PHF8: variants seen among roughly 807,000 people sequenced by gnomAD.
The protein encoded by PHF8 is PHD finger protein 8.
In PHF8, 9 loss-of-function variants were observed where a neutral mutation model predicts 74.4. The observed-to-expected ratio is 0.12, with a 90% CI of 0.07 to 0.21. The LOEUF (loss-of-function observed/expected upper bound fraction) is 0.21. PHF8 is among the 10% of genes least tolerant of loss of function. The pLI is 1.00. For missense variants in PHF8, 478 were observed against 816.6 expected (o/e 0.59, Z 5.05); for synonymous variants, 311 against 316.6 (o/e 0.98, Z 0.19).
chrX:53,987,847 C>T lies in PHF8; in HGVS notation c.1828G>A (p.Glu610Lys), dbSNP rs782656960. ...TCATCATCTGAATCCAAGTCAAATTCGTCTTCCATCACCTGTTCTGCCATC... is the reference window on the plus strand; with the variant it reads ...TCATCATCTGAATCCAAGTCAAATTTGTCTTCCATCACCTGTTCTGCCATC... The part of the protein sequence containing the change: ...RLMAEQVMED[E>K]FDLDSDDELQ... The change falls in exon 15 of 22, where the codon GAA (glutamate) becomes AAA (lysine). Residue 610 changes from glutamate (E) to lysine (K), a missense_variant. Glu to Lys is a moderately conservative substitution (Grantham distance 56). Coordinates refer to ENST00000338154, the MANE Select transcript of PHF8 (RefSeq NM_015107.3). The T allele has an allele frequency of 1.2e-5, 15 of 1,205,841 alleles. No individual in the cohort carries two copies. The highest frequency in any genetic ancestry group is 1.7e-5 in the Non-Finnish European group (15 of 891,551).
chrX:53,985,937 T>C lies in PHF8; in HGVS notation c.2008A>G (p.Thr670Ala). The C allele has an allele frequency of 8.3e-7, 1 of 1,209,881 alleles. No homozygotes were observed. The highest frequency in any genetic ancestry group is 1.1e-6 in the Non-Finnish European group (1 of 893,999). ...VEFDIEEDYTTDEDMVEGVEG... is the reference protein window; with the variant it reads ...VEFDIEEDYTADEDMVEGVEG... ...ACCCCTTCCACCATGTCCTCATCTG[T>C]TGTATAGTCCTCCTGTTGGAGAGAG... Residue 670 changes from threonine (T) to alanine (A), a missense_variant, in exon 17 of 22, where the codon ACA becomes GCA. By Grantham distance (58) the Thr-to-Ala change is moderately conservative. Coordinates refer to ENST00000338154, the MANE Select transcript of PHF8 (RefSeq NM_015107.3).
chrX:53,939,890 G>C (rs2064723264), intron 21 of PHF8, among the ~76,000 whole-genome samples: 1 of 110,626 alleles, frequency 9.0e-6, no homozygotes, highest in African/African-American at 3.3e-5. Context: ...AGAGCCCCAG[G>C]TACTCTTCCT....
At chrX:53,993,078 A>G in intron 13 of PHF8, 1 of 397,248 alleles carries the variant, frequency 2.5e-6, no homozygotes, top group South Asian at 3.4e-5. Flanking sequence ...AAGAGGGGGC[A>G]CATCTTCAGA....
At chrX:54,006,825 C>T (rs2065904091) in intron 8 of PHF8, among the ~76,000 whole-genome samples, 1 of 108,677 alleles carries the variant, frequency 9.2e-6, no homozygotes, top group Non-Finnish European at 1.9e-5. Flanking sequence ...GTAATCCCAG[C>T]TACTCGGGAG....
At chrX:53,960,091 T>A (rs971090479) in intron 19 of PHF8, among the ~76,000 whole-genome samples, 42 of 108,855 alleles carry the variant, frequency 3.9e-4, no homozygotes, top group Non-Finnish European at 7.3e-4. Context: ...TGTGTGTGTG[T>A]GAGAGACAGA....
chrX:54,011,009 T>C (rs1181053738), intron 8 of PHF8, 113 bp downstream of exon 8: 1 of 688,227 alleles, frequency 1.5e-6, no homozygotes, highest in Non-Finnish European at 2.3e-6. Context: ...TCTGCGCCTT[T>C]CGCTGATATG....
At chrX:54,021,966 T>C (rs2066185238) in intron 4 of PHF8, among the ~76,000 whole-genome samples, 1 of 112,003 alleles carries the variant, frequency 8.9e-6, no homozygotes, top group Admixed American at 9.5e-5. Context: ...AATTTTTTTA[T>C]ATTAAAAGAG....
At chrX:53,998,450 T>C (rs2065781285) in intron 11 of PHF8, among the ~76,000 whole-genome samples, 1 of 109,785 alleles carries the variant, frequency 9.1e-6, no homozygotes, top group African/African-American at 3.3e-5. Context: ...TGAGGTTCTG[T>C]CTCATAAATA....
At chrX:53,995,216 G>A (rs1557102459) in intron 12 of PHF8, 1 of 341,957 alleles carries the variant, frequency 2.9e-6, no homozygotes, top group East Asian at 9.7e-5. Flanking sequence ...CTGTCATTTT[G>A]CAGAATGCAG....
chrX:54,018,453 CTTTTTTT>C (rs781948184), intron 4 of PHF8, among the ~76,000 whole-genome samples: 1 of 76,699 alleles, frequency 1.3e-5, no homozygotes, highest in Non-Finnish European at 2.6e-5. Flanking sequence ...GAGTCCCTGT[CTTTTTTT>C]TTTTTTTTTT....
intron 2 of PHF8, among the ~76,000 whole-genome samples, chrX:54,036,725 G>A (rs1222888687): frequency 9.2e-6 from 1 of 109,174 alleles, no homozygotes; most frequent in African/African-American, 3.3e-5. Flanking sequence ...AAGGCCGGGT[G>A]CTGTGGGTCA....
chrX:53,993,490 G>C (rs1435003003), intron 13 of PHF8, 111 bp downstream of exon 13: 3 of 604,029 alleles, frequency 5.0e-6, no homozygotes, highest in Non-Finnish European at 8.2e-6. Flanking sequence ...TAGCCAAACA[G>C]CAGGGGGTCT....
At chrX:53,972,341 A>G (rs1192749752) in intron 18 of PHF8, among the ~76,000 whole-genome samples, 3 of 107,273 alleles carry the variant, frequency 2.8e-5, no homozygotes, top group Non-Finnish European at 5.8e-5. Flanking sequence ...AAAAAAAAAA[A>G]AAAGAAAAAG....
intron 18 of PHF8, among the ~76,000 whole-genome samples, chrX:53,983,254 A>T (rs1411205801): frequency 8.9e-6 from 1 of 111,845 alleles, no homozygotes; most frequent in African/African-American, 3.2e-5. Flanking sequence ...TAATAAAATT[A>T]AACACAAACC....
chrX:54,006,248 G>A (rs1313530206), intron 8 of PHF8, among the ~76,000 whole-genome samples: 4 of 111,480 alleles, frequency 3.6e-5, no homozygotes, highest in Non-Finnish European at 5.7e-5. Flanking sequence ...TTAGGAAGCC[G>A]AGGTGGGTGG....
intron 2 of PHF8, among the ~76,000 whole-genome samples, chrX:54,035,858 T>G (rs1258392954): frequency 9.0e-6 from 1 of 110,783 alleles, no homozygotes; most frequent in Admixed American, 9.6e-5. Context: ...ACACCTGTAA[T>G]CCCAGCACTT....
chrX:53,958,547 C>T (rs1310161356), intron 19 of PHF8, among the ~76,000 whole-genome samples: 4 of 103,239 alleles, frequency 3.9e-5, no homozygotes, highest in Non-Finnish European at 5.9e-5. Flanking sequence ...TTTGGGAGGC[C>T]GAGGCGGGCG....
At chrX:53,943,213 T>TTC in intron 20 of PHF8, 1 of 941,246 alleles carries the variant, frequency 1.1e-6, no homozygotes, top group Non-Finnish European at 1.4e-6. Flanking sequence ...GAGACAGAAG[T>TTC]TCTGGTCAAA....
chrX:53,992,792 T>C lies in PHF8; in HGVS notation c.1674A>G (p.Pro558=). The C allele has an allele frequency of 8.3e-7, 1 of 1,205,738 alleles. No individual in the cohort carries two copies. The highest frequency in any genetic ancestry group is 1.1e-6 in the Non-Finnish European group (1 of 890,775). The change falls in exon 14 of 22, where the codon CCA becomes CCG. Residue 558 remains proline (P), a synonymous_variant. Coordinates refer to ENST00000338154, the MANE Select transcript of PHF8 (RefSeq NM_015107.3). The part of the protein sequence containing the change: ...ACLNDSDDDS[P]DLDLDGNESP... ...TCTCATTTCCATCAAGGTCCAAGTCTGGTGAGTCGTCATCTGAGTCATTCA... is the reference window on the plus strand; with the variant it reads ...TCTCATTTCCATCAAGGTCCAAGTCCGGTGAGTCGTCATCTGAGTCATTCA...
Sources: allele counts gnomAD v4.1 joint callset (sites outside exome capture counted in the v4.1 genomes callset), GRCh38; gene constraint gnomAD v4.1.1; transcripts MANE v1.5; gene names NCBI Gene and HGNC (gene_info 2026-07-23, HGNC 2026-07-21).